HACE1: variants seen among roughly 807,000 people sequenced by gnomAD.
HACE1 encodes the protein E3 ubiquitin-protein ligase HACE1.
A neutral mutation model predicts 118.4 loss-of-function variants in HACE1; 73 were observed. The ratio of observed to expected loss-of-function variants is 0.62; its 90% confidence interval spans 0.51 to 0.75. The LOEUF (loss-of-function observed/expected upper bound fraction) is 0.75, where lower values mean the gene tolerates loss of function less well. HACE1 is among the 30% of genes least tolerant of loss of function. HACE1 has a pLI of 0.00. For missense variants in HACE1, 749 were observed against 1,102.2 expected, an observed-to-expected ratio of 0.68 and a Z score of 4.54; for synonymous variants, 368 against 374.8, an observed-to-expected ratio of 0.98 and a Z score of 0.21.
At position 104,859,905 on chromosome 6, in the gene HACE1, C is replaced by A; in HGVS notation, c.-263G>T. 2 of 456,972 alleles carry A rather than the reference C, an allele frequency of 4.4e-6. No individual in the cohort carries two copies. Among genetic ancestry groups the A allele is most frequent in the South Asian group, 2.7e-5 (1 of 36,580 alleles). 28.3% of individuals were successfully genotyped at this position (456,972 alleles called of 1,614,324 possible). ...CCCCCGCCGCCGCGTCCCTCCCGGG[C>A]TCGCGTGGCCTTCTGGGAACTGTAG... On this transcript the variant is annotated 5_prime_UTR_variant, in exon 1 of 24. Coordinates refer to ENST00000262903, the MANE Select transcript of HACE1 (RefSeq NM_020771.4).
At chr6:104,849,386 G>A (rs1775960376) in intron 3 of HACE1, 140 bp from the exon 4 acceptor site, 1 of 688,926 alleles carries the variant, frequency 1.5e-6, no homozygotes, top group African/African-American at 1.8e-5. Context: ...GCCCATGCTG[G>A]AGTGCAGTGG....
At position 104,804,789 on chromosome 6, in the gene HACE1, T is replaced by C. The variant is rs935137104; in HGVS notation, c.617+6522A>G. Among the ~76,000 whole-genome samples the C allele has an allele frequency of 1.2e-4, 18 of 152,302 alleles. No individual in the cohort carries two copies. The South Asian group carries it at 1.4e-3, about 12-fold the overall frequency. The stretch of plus-strand genomic sequence containing the variant: ...AACCTAGGCAGTACCATTCAAGACA[T>C]AGGCATGTGTAAAGACTTCATGACT... On this transcript the variant is annotated intron_variant, in intron 7 of 23. Coordinates refer to ENST00000262903, the MANE Select transcript of HACE1 (RefSeq NM_020771.4).
chr6:104,769,672 G>C (rs928583009), intron 19 of HACE1, among the ~76,000 whole-genome samples: 1 of 152,154 alleles, frequency 6.6e-6, no homozygotes, highest in East Asian at 1.9e-4. Flanking sequence ...TTTGCATATA[G>C]TATGAAGAAC....
chr6:104,831,850 G>A (rs540890786), intron 6 of HACE1, among the ~76,000 whole-genome samples: 9 of 151,274 alleles, frequency 5.9e-5, no homozygotes, highest in Non-Finnish European at 8.8e-5. Flanking sequence ...CCGAGATGGC[G>A]CCACTGCACT....
intron 22 of HACE1, among the ~76,000 whole-genome samples, chr6:104,734,975 T>C (rs1775651156): frequency 6.6e-6 from 1 of 151,840 alleles, no homozygotes; most frequent in Non-Finnish European, 1.5e-5. Flanking sequence ...CAAAATAAGG[T>C]CCGGATGGTT....
chr6:104,813,049 C>T lies in HACE1; in HGVS notation c.535-1656G>A, dbSNP rs184345662. Among the ~76,000 whole-genome samples the T allele has an allele frequency of 2.0e-5, 2 of 98,756 alleles. 1 individual carries two copies. Among genetic ancestry groups the T allele is most frequent in the East Asian group, 6.1e-4 (2 of 3,290 alleles). The allele number at this position is 98,756 out of a possible 152,430, so 64.8% of individuals were successfully genotyped here. On this transcript the variant is annotated intron_variant, in intron 6 of 23. Transcript: ENST00000262903. ...TGAAAACAACAAATTAAGTGAAAAC[C>T]TCCAGCCTCCATGTTCCAACTAGGC...
chr6:104,753,348 A>G (rs1778270855), intron 19 of HACE1, among the ~76,000 whole-genome samples: 1 of 152,102 alleles, frequency 6.6e-6, no homozygotes, highest in Non-Finnish European at 1.5e-5. Context: ...CAGAAAAGGT[A>G]GGGTCCCCTT....
chr6:104,822,639 T>C (rs564284014), intron 6 of HACE1, among the ~76,000 whole-genome samples: 59 of 152,064 alleles, frequency 3.9e-4, no homozygotes, highest in Middle Eastern at 3.4e-3. Flanking sequence ...GTCGGATCAC[T>C]AGAGGTCGGG....
chr6:104,834,742 G>A (rs1406153147), intron 5 of HACE1, among the ~76,000 whole-genome samples: 1 of 152,156 alleles, frequency 6.6e-6, no homozygotes, highest in East Asian at 1.9e-4. Context: ...CAGTATTAGA[G>A]AAACCCCCCA....
At chr6:104,831,999 GA>G (rs1774026863) in intron 6 of HACE1, among the ~76,000 whole-genome samples, 1 of 104,562 alleles carries the variant, frequency 9.6e-6, no homozygotes, top group Admixed American at 1.1e-4. Flanking sequence ...AGGAAGGAAG[GA>G]AGGAAGGAAG....
At chr6:104,832,422 C>G (rs1346955365) in intron 6 of HACE1, among the ~76,000 whole-genome samples, 1 of 151,900 alleles carries the variant, frequency 6.6e-6, no homozygotes, top group Non-Finnish European at 1.5e-5. Context: ...GATACAGGCT[C>G]TCACTCTGTC....
chr6:104,822,942 A>C (rs1772935030), intron 6 of HACE1, among the ~76,000 whole-genome samples: 2 of 152,214 alleles, frequency 1.3e-5, no homozygotes, highest in African/African-American at 4.8e-5. Context: ...CAATTTATTC[A>C]TTAGACTAAC....
At chr6:104,745,739 C>T (rs1777354659) in intron 20 of HACE1, among the ~76,000 whole-genome samples, 1 of 152,160 alleles carries the variant, frequency 6.6e-6, no homozygotes, top group Middle Eastern at 3.4e-3. Context: ...CCGTGCCCGG[C>T]CAGGATTTCT....
intron 14 of HACE1, among the ~76,000 whole-genome samples, chr6:104,782,934 T>C (rs938277994): frequency 5.3e-5 from 8 of 152,194 alleles, no homozygotes; most frequent in Admixed American, 2.6e-4. Flanking sequence ...TTCTAAAACT[T>C]TGCCAGAATT....
At chr6:104,806,988 C>T (rs991853388) in intron 7 of HACE1, among the ~76,000 whole-genome samples, 11 of 149,220 alleles carry the variant, frequency 7.4e-5, no homozygotes, top group African/African-American at 2.7e-4. Context: ...CGTTCCTATG[C>T]TGAAAGTTTA....
At chr6:104,796,393 A>G (rs1769635005) in intron 9 of HACE1, among the ~76,000 whole-genome samples, 1 of 152,184 alleles carries the variant, frequency 6.6e-6, no homozygotes, top group Non-Finnish European at 1.5e-5. Flanking sequence ...TACAGGCGTG[A>G]GATACCACGC....
chr6:104,851,992 A>C (rs1776253683), intron 2 of HACE1, among the ~76,000 whole-genome samples: 1 of 152,230 alleles, frequency 6.6e-6, no homozygotes, highest in African/African-American at 2.4e-5. Context: ...AAAGATCAGT[A>C]GTGACCTCTA....
In HACE1 at chr6:104,843,318, A is replaced by G. The variant is rs759867491; in HGVS notation, c.327-20T>C. ...TTCTGCCTGAAAAGAAAAAAGAGTCATGGATAACTGGTACTTAAAAAATAT... is the reference window on the plus strand; with the variant it reads ...TTCTGCCTGAAAAGAAAAAAGAGTCGTGGATAACTGGTACTTAAAAAATAT... On this transcript the variant is annotated intron_variant, in intron 4 of 23. Coordinates refer to ENST00000262903, the MANE Select transcript of HACE1 (RefSeq NM_020771.4). 9.0e-7 allele frequency: 1 copy of G among 1,115,222 alleles called. No individual in the cohort carries two copies. Among genetic ancestry groups the G allele is most frequent in the Non-Finnish European group, 1.4e-6 (1 of 725,442 alleles). The allele number at this position is 1,115,222 out of a possible 1,614,324, so 69.1% of individuals were successfully genotyped here. A position where few individuals can be genotyped will look rare whatever the true frequency, so the allele number is the denominator to read the frequency against.
chr6:104,766,246 T>C (rs989983974), intron 19 of HACE1, among the ~76,000 whole-genome samples: 20 of 152,040 alleles, frequency 1.3e-4, no homozygotes, highest in African/African-American at 4.8e-4. Context: ...AATCTTGGTG[T>C]GTTGAAGAAA....
Sources: gnomAD v4.1 joint callset for allele counts (sites outside exome capture counted in the v4.1 genomes callset) on GRCh38, gnomAD v4.1.1 for gene constraint, MANE v1.5 for transcripts, NCBI Gene and HGNC (gene_info 2026-07-23, HGNC 2026-07-21) for gene names.